The following DLG2 variants were observed in gnomAD, a reference collection of about 807,000 sequenced individuals.
DLG2 encodes the protein disks large homolog 2.
DLG2 carries 45 observed loss-of-function variants against 132.5 expected under a neutral mutation model. The observed-to-expected ratio is 0.34, with a 90% CI of 0.27 to 0.44. The LOEUF is 0.44. Ranked by LOEUF, DLG2 falls within the 20% of genes least tolerant of loss-of-function variation. The pLI is 1.00. For missense variants in DLG2, 1,045 were observed against 1,196.9 expected (o/e 0.87, Z 1.87); for synonymous variants, 424 against 419.6 (o/e 1.01, Z -0.13).
At chr11:83,556,143 T>C (rs1161335651) in intron 19 of DLG2, among the ~76,000 whole-genome samples, 1 of 152,126 alleles carries the variant, frequency 6.6e-6, no homozygotes, top group African/African-American at 2.4e-5. Flanking sequence ...AGAGGCTGTT[T>C]ATATTAATAA....
chr11:84,648,733 TTC>T (rs1204787658), intron 6 of DLG2, among the ~76,000 whole-genome samples: 3 of 151,370 alleles, frequency 2.0e-5, no homozygotes, highest in East Asian at 3.9e-4. Flanking sequence ...CACTCTGGCT[TTC>T]TCTCTCTCTC....
chr11:84,827,614 C>T (rs555241444), intron 6 of DLG2, among the ~76,000 whole-genome samples: 30 of 122,578 alleles, frequency 2.4e-4, no homozygotes, highest in East Asian at 2.0e-3. Flanking sequence ...GCTTTGGGAA[C>T]GGTGGAAGTT....
At chr11:84,556,017 G>A (rs2099411367) in intron 6 of DLG2, among the ~76,000 whole-genome samples, 1 of 152,124 alleles carries the variant, frequency 6.6e-6, no homozygotes, top group Non-Finnish European at 1.5e-5. Context: ...GCATCTAGGG[G>A]CCACAAACTC....
At chr11:84,891,859 A>C (rs1485267104) in intron 6 of DLG2, among the ~76,000 whole-genome samples, 2 of 152,156 alleles carry the variant, frequency 1.3e-5, no homozygotes, top group Non-Finnish European at 2.9e-5. Context: ...CCCTCAAAGA[A>C]TCTATATTAA....
chr11:83,785,853 T>C (rs2095035298), intron 18 of DLG2, among the ~76,000 whole-genome samples: 2 of 152,262 alleles, frequency 1.3e-5, no homozygotes, highest in South Asian at 2.1e-4. Context: ...AGCTGTTTAA[T>C]ACTCCTCTTT....
intron 7 of DLG2, 56 bp from the exon 8 acceptor site, chr11:84,251,347 T>C: frequency 7.7e-7 from 1 of 1,295,154 alleles, no homozygotes; most frequent in South Asian, 1.5e-5. Context: ...CTGAGACAGA[T>C]TATTTCTGTT....
chr11:85,470,338 C>T (rs7951307), intron 3 of DLG2, among the ~76,000 whole-genome samples: 1 of 151,726 alleles, frequency 6.6e-6, no homozygotes, highest in Non-Finnish European at 1.5e-5. Flanking sequence ...TTTTGGATGA[C>T]AATTTTTATG....
intron 6 of DLG2, among the ~76,000 whole-genome samples, chr11:85,096,532 C>T (rs370321264): frequency 6.0e-5 from 9 of 151,042 alleles, no homozygotes; most frequent in African/African-American, 2.2e-4. Context: ...AAGGAACAAA[C>T]TCTGGACACA....
chr11:85,626,989 A>T (rs2082066235), intron 1 of DLG2, among the ~76,000 whole-genome samples: 1 of 152,312 alleles, frequency 6.6e-6, no homozygotes, highest in East Asian at 1.9e-4. Context: ...TTAAGGCACA[A>T]ACCAAATTTA....
chr11:84,336,333 A>G (rs1050975769), intron 7 of DLG2, among the ~76,000 whole-genome samples: 1 of 152,164 alleles, frequency 6.6e-6, no homozygotes, highest in Non-Finnish European at 1.5e-5. Flanking sequence ...CCTGTTCCCC[A>G]ATCTTCTACT....
chr11:84,288,827 T>C (rs1268055194), intron 7 of DLG2, among the ~76,000 whole-genome samples: 2 of 152,126 alleles, frequency 1.3e-5, no homozygotes, highest in Non-Finnish European at 2.9e-5. Context: ...TATGTTGACA[T>C]AATTAAAAGT....
intron 6 of DLG2, among the ~76,000 whole-genome samples, chr11:84,717,773 T>C (rs1200803916): frequency 6.6e-6 from 1 of 152,050 alleles, no homozygotes; most frequent in Non-Finnish European, 1.5e-5. Flanking sequence ...ATGAAAATAA[T>C]TAAGGCCATA....
chr11:85,483,135 C>A (rs1383076131), intron 3 of DLG2, among the ~76,000 whole-genome samples: 2 of 152,052 alleles, frequency 1.3e-5, no homozygotes, highest in Non-Finnish European at 2.9e-5. Context: ...TACAAAATGA[C>A]AATATGTCAA....
At chr11:84,261,210 C>T (rs1433805544) in intron 7 of DLG2, among the ~76,000 whole-genome samples, 1 of 152,202 alleles carries the variant, frequency 6.6e-6, no homozygotes. Flanking sequence ...TGTGGGATCA[C>T]TAAATTATTG....
intron 6 of DLG2, among the ~76,000 whole-genome samples, chr11:85,106,034 A>T (rs1244985677): frequency 6.6e-6 from 1 of 151,850 alleles, no homozygotes; most frequent in Admixed American, 6.6e-5. Flanking sequence ...AGAATAGCTT[A>T]TGCACACTGT....
At chr11:84,610,867 G>C (rs548368579) in intron 6 of DLG2, among the ~76,000 whole-genome samples, 1 of 151,990 alleles carries the variant, frequency 6.6e-6, no homozygotes, top group East Asian at 1.9e-4. Flanking sequence ...ATTCATACAC[G>C]CTGTTTCCTC....
chr11:84,301,651 CAAAA>C (rs753899806), intron 7 of DLG2, among the ~76,000 whole-genome samples: 2 of 26,604 alleles, frequency 7.5e-5, no homozygotes, highest in African/African-American at 1.5e-4. Context: ...AGGCGAGACT[CAAAA>C]AAAAAAAAAA....
chr11:83,956,555 C>T (rs1266049502), intron 14 of DLG2, among the ~76,000 whole-genome samples: 1 of 152,218 alleles, frequency 6.6e-6, no homozygotes, highest in Non-Finnish European at 1.5e-5. Flanking sequence ...CACTCACTCA[C>T]ATGCCCCCTC....
At chr11:84,052,992 T>C (rs2096425098) in intron 11 of DLG2, among the ~76,000 whole-genome samples, 1 of 151,976 alleles carries the variant, frequency 6.6e-6, no homozygotes, top group Non-Finnish European at 1.5e-5. Context: ...CTATTCACAA[T>C]AGCAAAGACA....
Sources: allele counts gnomAD v4.1 joint callset (sites outside exome capture counted in the v4.1 genomes callset), GRCh38; gene constraint gnomAD v4.1.1; transcripts MANE v1.5; gene names NCBI Gene and HGNC (gene_info 2026-07-23, HGNC 2026-07-21).